The following PLCE1 variants were observed in gnomAD, a reference collection of about 807,000 sequenced individuals.
The protein encoded by PLCE1 is phospholipase C epsilon 1, also known as 1-phosphatidylinositol 4,5-bisphosphate phosphodiesterase epsilon-1.
A neutral mutation model predicts 242.8 loss-of-function variants in PLCE1; 119 were observed. The ratio of observed to expected loss-of-function variants is 0.49; its 90% CI spans 0.42 to 0.57. The LOEUF (loss-of-function observed/expected upper bound fraction) is 0.57. Among genes scored for constraint, PLCE1 ranks in the 20% least tolerant of loss-of-function variants. PLCE1 has a pLI of 0.00. For missense variants in PLCE1, 2,441 were observed against 2,788.8 expected, an observed-to-expected ratio of 0.88 and a Z score of 2.81; for synonymous variants, 945 against 1,017.4, an observed-to-expected ratio of 0.93 and a Z score of 1.35.
In PLCE1 at chr10:94,213,986, T is replaced by C. The variant is rs180676816; in HGVS notation, c.1810-13320T>C. Among the ~76,000 whole-genome samples the C allele has an allele frequency of 1.8e-3, 281 of 152,302 alleles. 1 individual carries two copies. The highest frequency in any genetic ancestry group is 3.5e-3 in the Admixed American group (53 of 15,296). Reference sequence around the variant, plus strand: ...CGGGCATTTTATTATCCCCATCTTATGAGCGAGGAAATAAGAGTCTCAGGG... The same window carrying C: ...CGGGCATTTTATTATCCCCATCTTACGAGCGAGGAAATAAGAGTCTCAGGG... On this transcript the variant is annotated intron_variant, in intron 4 of 32. Transcript: ENST00000371380.
At chr10:94,252,219 C>T in intron 8 of PLCE1, 97 bp from the exon 9 acceptor site, 1 of 1,072,526 alleles carries the variant, frequency 9.3e-7, no homozygotes, top group South Asian at 1.3e-5. Flanking sequence ...GCCGTCTGTG[C>T]TCTTCCACCT....
At chr10:94,052,615 T>C (rs1010720533) in intron 2 of PLCE1, among the ~76,000 whole-genome samples, 3 of 152,202 alleles carry the variant, frequency 2.0e-5, no homozygotes, top group South Asian at 4.1e-4. Context: ...GAACTCTTTT[T>C]CCCCCTCCTT....
At chr10:94,270,440 C>T (rs747568968) in intron 17 of PLCE1, 46 bp from the exon 18 acceptor site, 5 of 1,259,470 alleles carry the variant, frequency 4.0e-6, no homozygotes, top group Admixed American at 1.7e-5. Context: ...CTTCTGACCA[C>T]CTTGACAGAT....
At chr10:94,057,815 G>A (rs1333390364) in intron 2 of PLCE1, among the ~76,000 whole-genome samples, 1 of 152,114 alleles carries the variant, frequency 6.6e-6, no homozygotes, top group Non-Finnish European at 1.5e-5. Flanking sequence ...GTGTCAGCTG[G>A]GGTTGCAATT....
At chr10:94,325,627 A>T (rs2053986397) in intron 32 of PLCE1, 1 of 151,848 alleles carries the variant, frequency 6.6e-6, no homozygotes, top group African/African-American at 2.4e-5. Flanking sequence ...AAAAATATAT[A>T]TATGTAACTT....
At position 94,146,727 on chromosome 10, in the gene PLCE1, G is replaced by A. The variant is rs985198930; in HGVS notation, c.1492+14268G>A. On this transcript the variant is annotated intron_variant, in intron 3 of 32. Transcript: ENST00000371380. ...TTCGAGTGGGTTAATGTCTTCTTTC[G>A]GCTGCCTAGCTCAAGATGGGGCTTT... 3.3e-5 allele frequency among the ~76,000 whole-genome samples: 5 copies of A among 152,122 alleles called. No individual in the cohort carries two copies. In the South Asian group the frequency reaches 6.2e-4, roughly 19 times the overall value.
intron 7 of PLCE1, among the ~76,000 whole-genome samples, chr10:94,242,985 C>T (rs2050559577): frequency 6.6e-6 from 1 of 152,186 alleles, no homozygotes; most frequent in African/African-American, 2.4e-5. Flanking sequence ...GCAGATTCTT[C>T]ACCCTCAAGG....
intron 18 of PLCE1, 67 bp downstream of exon 18, chr10:94,270,669 T>G: frequency 1.0e-6 from 1 of 961,236 alleles, no homozygotes; most frequent in South Asian, 1.3e-5. Context: ...TTGGGTTGTT[T>G]TGTTTTGTTT....
chr10:94,079,868 C>A (rs905181014), intron 2 of PLCE1, among the ~76,000 whole-genome samples: 3 of 152,208 alleles, frequency 2.0e-5, no homozygotes, highest in African/African-American at 7.2e-5. Flanking sequence ...ATGCAAGGAA[C>A]TTTCCTATTC....
At chr10:94,053,162 TA>T (rs1243772412) in intron 2 of PLCE1, among the ~76,000 whole-genome samples, 1 of 152,216 alleles carries the variant, frequency 6.6e-6, no homozygotes, top group Non-Finnish European at 1.5e-5. Flanking sequence ...GCTCCACCGT[TA>T]ACTAGCAGTG....
At chr10:94,259,267 A>G in intron 13 of PLCE1, 117 bp downstream of exon 13, 1 of 1,011,052 alleles carries the variant, frequency 9.9e-7, no homozygotes, top group Non-Finnish European at 1.6e-6. Flanking sequence ...ACTGCTGTGT[A>G]GGGAAAGACT....
At chr10:94,172,336 T>G (rs1227450164) in intron 4 of PLCE1, among the ~76,000 whole-genome samples, 1 of 152,216 alleles carries the variant, frequency 6.6e-6, no homozygotes, top group Admixed American at 6.5e-5. Context: ...ATTTTATGTT[T>G]TAGATTTAAT....
At chr10:94,219,435 T>C (rs1363340500) in intron 4 of PLCE1, among the ~76,000 whole-genome samples, 1 of 152,220 alleles carries the variant, frequency 6.6e-6, no homozygotes, top group African/African-American at 2.4e-5. Flanking sequence ...CCTTATATTA[T>C]AGCAAAGACA....
intron 1 of PLCE1, among the ~76,000 whole-genome samples, chr10:93,995,442 G>A (rs2060802454): frequency 6.6e-6 from 1 of 152,016 alleles, no homozygotes; most frequent in South Asian, 2.1e-4. Context: ...TTTCTCCAGG[G>A]CCCTTTCTGC....
chr10:94,240,286 A>G (rs2050459842), intron 7 of PLCE1, among the ~76,000 whole-genome samples: 1 of 152,192 alleles, frequency 6.6e-6, no homozygotes, highest in African/African-American at 2.4e-5. Context: ...CTTTAAGCAA[A>G]CACTGCTCTA....
At chr10:94,132,040 G>A (rs2046613510) in intron 2 of PLCE1, 134 bp from the exon 3 acceptor site, 4 of 765,312 alleles carry the variant, frequency 5.2e-6, no homozygotes, top group South Asian at 3.1e-5. Flanking sequence ...TGCATGAGCC[G>A]AGTGCTCAGA....
chr10:94,166,006 C>T lies in PLCE1; in HGVS notation c.1493-5174C>T, dbSNP rs139980014. ...CAGGTGTGAGCCACCATGCCTGGCT[C>T]ATTTTGATCTATTTTCAAAAGTACT... On this transcript the variant is annotated intron_variant, in intron 3 of 32. Transcript: ENST00000371380. 4.2e-3 allele frequency among the ~76,000 whole-genome samples: 636 copies of T among 152,178 alleles called. 5 individuals are homozygous for T. The highest frequency in any genetic ancestry group is 0.013 in the African/African-American group (550 of 41,504).
Position 94,255,407 on chromosome 10 carries a change from A to G in PLCE1, c.3554+358A>G, listed in dbSNP as rs1387022258. ...TCCTCAGTCACAGTAGTGACATTTCAAGTGCTCCATAGCCACAAGAAGCTG... is the reference window on the plus strand; with the variant it reads ...TCCTCAGTCACAGTAGTGACATTTCGAGTGCTCCATAGCCACAAGAAGCTG... On this transcript the variant is annotated intron_variant, in intron 11 of 32. Transcript: ENST00000371380. Among the ~76,000 whole-genome samples the G allele has an allele frequency of 2.0e-5, 3 of 152,184 alleles. No individual in the cohort carries two copies. In the East Asian group the frequency reaches 5.8e-4, roughly 29 times the overall value.
intron 4 of PLCE1, among the ~76,000 whole-genome samples, chr10:94,186,687 C>T (rs775555445): frequency 6.6e-6 from 1 of 152,230 alleles, no homozygotes; most frequent in Admixed American, 6.5e-5. Flanking sequence ...ATCTCCTTAA[C>T]TCTACAATCA....
Sources: gnomAD v4.1 joint callset for allele counts (sites outside exome capture counted in the v4.1 genomes callset) on GRCh38, gnomAD v4.1.1 for gene constraint, MANE v1.5 for transcripts, NCBI Gene and HGNC (gene_info 2026-07-23, HGNC 2026-07-21) for gene names.